Variants in NRK observed in about 807,000 individuals in gnomAD.
The protein encoded by NRK is Nik related kinase.
In NRK, 67 loss-of-function variants were observed where a neutral mutation model predicts 125.2. The ratio of observed to expected loss-of-function variants is 0.54; its 90% CI spans 0.44 to 0.66. The LOEUF (loss-of-function observed/expected upper bound fraction) is 0.66. Among genes scored for constraint, NRK ranks in the 30% least tolerant of loss-of-function variants. NRK has a pLI of 0.00. For synonymous variants in NRK, 458 were observed against 429.0 expected (o/e 1.07, Z -0.84); for missense variants, 1,224 against 1,192.9 (o/e 1.03, Z -0.38).
chrX:105,878,801 C>T (rs1292167572), intron 2 of NRK, among the ~76,000 whole-genome samples: 1 of 111,601 alleles, frequency 9.0e-6, no homozygotes, highest in Non-Finnish European at 1.9e-5. Flanking sequence ...AGTCTCTGAA[C>T]CCTATCCCAA....
At chrX:105,825,480 T>G (rs1207685884) in intron 1 of NRK, among the ~76,000 whole-genome samples, 1 of 112,296 alleles carries the variant, frequency 8.9e-6, no homozygotes, top group African/African-American at 3.2e-5. Flanking sequence ...AGTTTAAGAT[T>G]GATACATTAT....
intron 1 of NRK, among the ~76,000 whole-genome samples, chrX:105,826,244 AT>A (rs2039099287): frequency 1.2e-5 from 1 of 85,724 alleles, no homozygotes. Flanking sequence ...CATATATAAT[AT>A]ATATGATAAT....
intron 2 of NRK, among the ~76,000 whole-genome samples, chrX:105,842,156 C>CT (rs2039338363): frequency 9.0e-6 from 1 of 111,439 alleles, no homozygotes; most frequent in African/African-American, 3.3e-5. Context: ...AACTAATGAG[C>CT]TGAGGTCGGT....
intron 10 of NRK, among the ~76,000 whole-genome samples, chrX:105,905,985 A>G (rs2040214149): frequency 8.9e-6 from 1 of 111,941 alleles, no homozygotes; most frequent in African/African-American, 3.3e-5. Flanking sequence ...TGCTTTTAAC[A>G]TCCTATTTTT....
At chrX:105,840,874 TAGAG>T (rs773416696) in intron 2 of NRK, among the ~76,000 whole-genome samples, 1,337 of 108,734 alleles carry the variant, frequency 0.012, 20 homozygotes, top group African/African-American at 0.043. Flanking sequence ...TATATATACA[TAGAG>T]AGAGAGTTAT....
intron 2 of NRK, among the ~76,000 whole-genome samples, chrX:105,873,095 G>A (rs1399899032): frequency 3.6e-5 from 4 of 111,792 alleles, no homozygotes; most frequent in Non-Finnish European, 7.5e-5. Context: ...TGAAAAGAAC[G>A]AAAGAATGCC....
At chrX:105,903,204 A>G (rs374412892) in intron 9 of NRK, among the ~76,000 whole-genome samples, 1 of 111,416 alleles carries the variant, frequency 9.0e-6, no homozygotes, top group South Asian at 3.9e-4. Flanking sequence ...GCTGTACACT[A>G]GTCAACTTGC....
At chrX:105,953,318 A>T (rs183539615) in intron 28 of NRK, 145 bp downstream of exon 28, 1 of 438,762 alleles carries the variant, frequency 2.3e-6, no homozygotes, top group Non-Finnish European at 3.4e-6. Flanking sequence ...ATTAAAAAAC[A>T]ATTTTATATT....
chrX:105,931,819 T>A (rs944115028), intron 19 of NRK, among the ~76,000 whole-genome samples: 1 of 111,944 alleles, frequency 8.9e-6, no homozygotes, highest in East Asian at 2.8e-4. Flanking sequence ...AACCGATTAT[T>A]TTTTTCTGAG....
In NRK at chrX:105,949,719, A is replaced by G; in HGVS notation, c.4498A>G (p.Ile1500Val). ...FKKILEMWKDIPSSIAFECTQ... is the reference protein window; with the variant it reads ...FKKILEMWKDVPSSIAFECTQ... ...GAAGATCCTTGAAATGTGGAAAGAC[A>G]TACCATCTTCTATAGGTATGTATAC... The change falls in exon 27 of 29, where the codon ATA becomes GTA. Residue 1500 changes from isoleucine to valine, a missense_variant. Transcript: ENST00000243300. 1 of 1,194,178 alleles carries G rather than the reference A, an allele frequency of 8.4e-7. No homozygotes were observed. The highest frequency in any genetic ancestry group is 1.1e-6 in the Non-Finnish European group (1 of 881,518).
chrX:105,841,157 G>A (rs925589616), intron 2 of NRK, among the ~76,000 whole-genome samples: 17 of 111,130 alleles, frequency 1.5e-4, no homozygotes, highest in African/African-American at 5.5e-4. Flanking sequence ...TGCCAAAATC[G>A]CACTTGGAGA....
chrX:105,822,876 G>C lies in NRK; in HGVS notation c.31G>C (p.Glu11Gln). 2 of 1,172,187 alleles carry C rather than the reference G, an allele frequency of 1.7e-6. No individual in the cohort carries two copies. The highest frequency in any genetic ancestry group is 2.3e-6 in the Non-Finnish European group (2 of 874,648). Reference sequence around the variant, plus strand: ...GGGACCTGGGGGCTGGAGGGACAGGGAGGTCACGGATCTGGGCCACCTGCC... The same window carrying C: ...GGGACCTGGGGGCTGGAGGGACAGGCAGGTCACGGATCTGGGCCACCTGCC... MAGPGGWRDREVTDLGHLPDP... is the reference protein window; with the variant it reads MAGPGGWRDRQVTDLGHLPDP... The change falls in exon 1 of 29, where the codon GAG (glutamate) becomes CAG (glutamine). Residue 11 changes from glutamate to glutamine, a missense_variant. Coordinates refer to ENST00000243300, the MANE Select transcript of NRK (RefSeq NM_198465.4).
At chrX:105,863,951 T>G (rs1186778734) in intron 2 of NRK, among the ~76,000 whole-genome samples, 1 of 112,604 alleles carries the variant, frequency 8.9e-6, no homozygotes, top group Non-Finnish European at 1.9e-5. Context: ...CTTGTTTAAG[T>G]CACTTTTTGT....
intron 19 of NRK, among the ~76,000 whole-genome samples, chrX:105,929,587 C>G (rs1343453423): frequency 9.1e-6 from 1 of 110,340 alleles, no homozygotes; most frequent in Non-Finnish European, 1.9e-5. Context: ...CCTTTTTTTT[C>G]TATTCTCTTA....
Position 105,898,714 on chromosome X carries a change from A to G in NRK, c.711A>G (p.Arg237=). The G allele has an allele frequency of 8.7e-7, 1 of 1,148,971 alleles. No homozygotes were observed. Among genetic ancestry groups the G allele is most frequent in the Non-Finnish European group, 1.2e-6 (1 of 863,163 alleles). The allele number at this position is 1,148,971 out of a possible 1,213,427, so 94.7% of individuals were successfully genotyped here. A position where few individuals can be genotyped will look rare whatever the true frequency, so the allele number is the denominator to read the frequency against. ...DEDPRRSYDY[R]SDVWSVGITA... ...ACCCAAGACGCTCCTATGATTACAGAGTGAGTGTGAGAATTCAGCCAGTGG... is the reference window on the plus strand; with the variant it reads ...ACCCAAGACGCTCCTATGATTACAGGGTGAGTGTGAGAATTCAGCCAGTGG... Residue 237 remains arginine, a splice_region_variant and synonymous_variant, in exon 8 of 29, where the codon AGA becomes AGG. Coordinates refer to ENST00000243300, the MANE Select transcript of NRK (RefSeq NM_198465.4).
rs62605030 is a variant in NRK at position 105,887,955 on chromosome X, T to C, written c.253-339T>C. Among the ~76,000 whole-genome samples the C allele has an allele frequency of 4.0e-3, 447 of 112,439 alleles. 1 individual carries two copies. The highest frequency in any genetic ancestry group is 6.4e-3 in the Non-Finnish European group (340 of 53,224). On this transcript the variant is annotated intron_variant, in intron 4 of 28. Transcript: ENST00000243300. ...CTTTAAATGGGTGAATTTTATAGTATGTGAATTATATCTCAATAAAACTGT... is the reference window on the plus strand; with the variant it reads ...CTTTAAATGGGTGAATTTTATAGTACGTGAATTATATCTCAATAAAACTGT...
rs372123021 is a variant in NRK at position 105,923,836 on chromosome X, G to A, written c.2975+354G>A. Among the ~76,000 whole-genome samples, 647 of 97,155 alleles carry A rather than the reference G, an allele frequency of 6.7e-3. 14 individuals carry two copies. Among genetic ancestry groups the A allele is most frequent in the South Asian group, 0.018 (35 of 1,962 alleles). 84.4% of individuals were successfully genotyped at this position (97,155 alleles called of 115,157 possible). On this transcript the variant is annotated intron_variant, in intron 18 of 28. Transcript: ENST00000243300. ...GTGTGTAACTTAACAAGCATAAGATGAAGTCTTGGTATTTGCAAACATAGC... is the reference window on the plus strand; with the variant it reads ...GTGTGTAACTTAACAAGCATAAGATAAAGTCTTGGTATTTGCAAACATAGC...
intron 2 of NRK, among the ~76,000 whole-genome samples, chrX:105,850,449 C>G (rs1401598324): frequency 8.9e-6 from 1 of 112,398 alleles, no homozygotes; most frequent in African/African-American, 3.2e-5. Flanking sequence ...CTCCTTGTTA[C>G]TTATGCAAAT....
At chrX:105,953,880 A>G (rs778909829) in intron 28 of NRK, among the ~76,000 whole-genome samples, 1 of 111,272 alleles carries the variant, frequency 9.0e-6, no homozygotes, top group African/African-American at 3.3e-5. Flanking sequence ...AAGAGATTGC[A>G]GAGGGTTTGA....
Sources: allele counts gnomAD v4.1 joint callset (sites outside exome capture counted in the v4.1 genomes callset), GRCh38; gene constraint gnomAD v4.1.1; transcripts MANE v1.5; gene names NCBI Gene and HGNC (gene_info 2026-07-23, HGNC 2026-07-21).